PTPRN2: variants seen among roughly 807,000 people sequenced by gnomAD.
The protein encoded by PTPRN2 is protein tyrosine phosphatase receptor type N2.
In PTPRN2, 74 loss-of-function variants were observed where a neutral mutation model predicts 118.8. The observed-to-expected ratio is 0.62, with a 90% CI of 0.52 to 0.76. The LOEUF (loss-of-function observed/expected upper bound fraction) is 0.76. PTPRN2 is among the 30% of genes least tolerant of loss of function. PTPRN2 has a pLI of 0.00. For missense variants in PTPRN2, 1,481 were observed against 1,394.4 expected (o/e 1.06, Z -0.99); for synonymous variants, 641 against 608.0 (o/e 1.05, Z -0.80).
In PTPRN2 at chr7:157,866,687, C is replaced by T. The variant is rs147764417; in HGVS notation, c.1788+31986G>A. 2.8e-3 allele frequency among the ~76,000 whole-genome samples: 426 copies of T among 152,088 alleles called. 1 individual carries two copies. Among genetic ancestry groups the T allele is most frequent in the African/African-American group, 8.7e-3 (360 of 41,430 alleles). On this transcript the variant is annotated intron_variant, in intron 12 of 22. Transcript: ENST00000389418. The stretch of plus-strand genomic sequence containing the variant: ...CTGTCTGGCCCGAGTCCCAGGCTCG[C>T]CCCAGTGCTTGCCACACACACCCTG...
intron 2 of PTPRN2, among the ~76,000 whole-genome samples, chr7:158,357,402 A>G (rs537916984): frequency 1.3e-5 from 2 of 152,310 alleles, no homozygotes; most frequent in African/African-American, 4.8e-5. Context: ...AGGTGACAGG[A>G]GGTGCCTCCA....
intron 2 of PTPRN2, among the ~76,000 whole-genome samples, chr7:158,482,743 T>C (rs902096065): frequency 6.6e-6 from 1 of 152,228 alleles, no homozygotes; most frequent in Non-Finnish European, 1.5e-5. Context: ...ATCAGTGGTT[T>C]TTTTTATATT....
chr7:158,325,990 G>A (rs1445582796), intron 2 of PTPRN2, among the ~76,000 whole-genome samples: 1 of 152,224 alleles, frequency 6.6e-6, no homozygotes, highest in Non-Finnish European at 1.5e-5. Flanking sequence ...GCGGCCTCCT[G>A]GGGGTGTCCC....
At chr7:158,082,492 G>A (rs73748031) in intron 10 of PTPRN2, among the ~76,000 whole-genome samples, 5,268 of 152,290 alleles carry the variant, frequency 0.035, 311 homozygotes, top group African/African-American at 0.12. Context: ...GCAAGCCCTT[G>A]GTGAAGGGGA....
chr7:158,456,112 C>A (rs116814854), intron 2 of PTPRN2, among the ~76,000 whole-genome samples: 2 of 133,154 alleles, frequency 1.5e-5, no homozygotes, highest in African/African-American at 6.1e-5. Context: ...GCGGAGAAGA[C>A]AACAGCCACC....
At chr7:157,634,668 C>T (rs1008404402) in intron 14 of PTPRN2, among the ~76,000 whole-genome samples, 6 of 152,116 alleles carry the variant, frequency 3.9e-5, no homozygotes, top group Non-Finnish European at 5.9e-5. Context: ...TCTTCCAGAC[C>T]CCCCGGGCTC....
chr7:158,303,817 T>C (rs985746426), intron 3 of PTPRN2, among the ~76,000 whole-genome samples: 3 of 152,238 alleles, frequency 2.0e-5, no homozygotes, highest in African/African-American at 4.8e-5. Context: ...GTTATTTTAA[T>C]ATAACGTCAG....
intron 11 of PTPRN2, among the ~76,000 whole-genome samples, chr7:158,023,948 A>G (rs560767220): frequency 6.6e-6 from 1 of 151,708 alleles, no homozygotes; most frequent in African/African-American, 2.4e-5. Context: ...GCAGACACAC[A>G]TGCCGGCACA....
At position 158,329,989 on chromosome 7, in the gene PTPRN2, C is replaced by G. The variant is rs1051689836; in HGVS notation, c.164-13057G>C. On this transcript the variant is annotated intron_variant, in intron 2 of 22. Coordinates refer to ENST00000389418, the MANE Select transcript of PTPRN2 (RefSeq NM_002847.5). ...TGGCGACTCTCACCATAAGAGCTCA[C>G]GCCCGCAGACGACACTCACACCCAC... Among the ~76,000 whole-genome samples, 4 of 151,974 alleles carry G rather than the reference C, an allele frequency of 2.6e-5. No individual in the cohort carries two copies. In the East Asian group the frequency reaches 5.8e-4, roughly 22 times the overall value.
chr7:158,250,302 C>T (rs1796572769), intron 3 of PTPRN2, among the ~76,000 whole-genome samples: 1 of 152,080 alleles, frequency 6.6e-6, no homozygotes, highest in Admixed American at 6.6e-5. Context: ...TTCTCTCATT[C>T]CTACTGTTGC....
intron 1 of PTPRN2, among the ~76,000 whole-genome samples, chr7:158,498,323 C>T (rs529782784): frequency 1.3e-5 from 2 of 152,296 alleles, no homozygotes; most frequent in African/African-American, 2.4e-5. Flanking sequence ...GATTAATTTC[C>T]TTATTTCAGG....
intron 11 of PTPRN2, among the ~76,000 whole-genome samples, chr7:157,918,954 G>A (rs751405511): frequency 2.6e-5 from 4 of 152,132 alleles, no homozygotes; most frequent in Admixed American, 6.5e-5. Context: ...CCTGAGGTGC[G>A]GACTTTAAAT....
At chr7:158,137,666 T>A (rs1212089087) in intron 7 of PTPRN2, among the ~76,000 whole-genome samples, 1 of 152,148 alleles carries the variant, frequency 6.6e-6, no homozygotes, top group Non-Finnish European at 1.5e-5. Context: ...GGCTTCCAGC[T>A]TCCAGCAAGG....
intron 12 of PTPRN2, among the ~76,000 whole-genome samples, chr7:157,703,609 G>A (rs1037908362): frequency 2.1e-5 from 3 of 142,322 alleles, no homozygotes; most frequent in African/African-American, 5.3e-5. Context: ...AACACCCAGC[G>A]TGGGTCTTCC....
chr7:158,146,261 G>A (rs1039655111), intron 6 of PTPRN2, among the ~76,000 whole-genome samples: 10 of 151,996 alleles, frequency 6.6e-5, no homozygotes, highest in African/African-American at 2.4e-4. Context: ...ACTATTTTCT[G>A]CCAAAATATT....
chr7:157,685,445 G>A (rs560843862), intron 12 of PTPRN2, among the ~76,000 whole-genome samples: 1 of 152,232 alleles, frequency 6.6e-6, no homozygotes, highest in Non-Finnish European at 1.5e-5. Context: ...GGCTGTGCGC[G>A]CGGGTGTGTG....
Position 157,879,829 on chromosome 7 carries a change from T to C in PTPRN2, c.1788+18844A>G, listed in dbSNP as rs201884467. Among the ~76,000 whole-genome samples the C allele has an allele frequency of 2.9e-4, 42 of 142,980 alleles. No homozygotes were observed. The East Asian group carries it at 8.4e-3, about 29-fold the overall frequency. The allele number at this position is 142,980 out of a possible 152,430, so 93.8% of individuals were successfully genotyped here. A position where few individuals can be genotyped will look rare whatever the true frequency, so the allele number is the denominator to read the frequency against. On this transcript the variant is annotated intron_variant, in intron 12 of 22. Transcript: ENST00000389418. ...TATCAAACCCAATTTAGATGAAACG[T>C]CTTTGTTAAAAAAAAAAAAAAAAAA...
intron 21 of PTPRN2, among the ~76,000 whole-genome samples, chr7:157,554,753 C>T (rs1798796328): frequency 6.6e-6 from 1 of 152,236 alleles, no homozygotes; most frequent in Admixed American, 6.5e-5. Flanking sequence ...AGAAAGGAAC[C>T]TTAACGATGT....
chr7:158,522,141 A>G (rs373499360), intron 1 of PTPRN2, among the ~76,000 whole-genome samples: 148 of 40,092 alleles, frequency 3.7e-3, no homozygotes, highest in Non-Finnish European at 4.3e-3. Flanking sequence ...CTGGCTCAGG[A>G]GGGAGGTCCA....
Sources: gnomAD v4.1 joint callset for allele counts (sites outside exome capture counted in the v4.1 genomes callset) on GRCh38, gnomAD v4.1.1 for gene constraint, MANE v1.5 for transcripts, NCBI Gene and HGNC (gene_info 2026-07-23, HGNC 2026-07-21) for gene names.